AGBL4: variants seen among roughly 807,000 people sequenced by gnomAD.
The protein encoded by AGBL4 is cytosolic carboxypeptidase 6.
AGBL4 carries 58 observed loss-of-function variants against 66.4 expected under a neutral mutation model. The observed-to-expected ratio is 0.87, with a 90% CI of 0.71 to 1.09. The LOEUF (loss-of-function observed/expected upper bound fraction) is 1.09, where lower values mean the gene tolerates loss of function less well. Ranked by LOEUF, AGBL4 falls within the 50% of genes least tolerant of loss-of-function variation. AGBL4 has a pLI of 0.00. For synonymous variants in AGBL4, 234 were observed against 222.9 expected (o/e 1.05, Z -0.44); for missense variants, 579 against 631.0 (o/e 0.92, Z 0.88).
At chr1:49,475,965 C>A (rs1271875721) in intron 3 of AGBL4, among the ~76,000 whole-genome samples, 1 of 151,950 alleles carries the variant, frequency 6.6e-6, no homozygotes, top group East Asian at 1.9e-4. Context: ...ATTTCTTCCA[C>A]TAGCTTTGGG....
intron 5 of AGBL4, among the ~76,000 whole-genome samples, chr1:48,948,895 C>T (rs866368388): frequency 1.3e-5 from 2 of 151,950 alleles, no homozygotes; most frequent in Non-Finnish European, 1.5e-5. Flanking sequence ...GAAAGGATGT[C>T]TGTTTGACGT....
rs573423245 is a variant in AGBL4 at position 49,168,165 on chromosome 1, A to T, written c.377+77605T>A. Among the ~76,000 whole-genome samples the T allele has an allele frequency of 4.6e-5, 7 of 151,584 alleles. No homozygotes were observed. The East Asian group carries it at 5.8e-4, about 13-fold the overall frequency. On this transcript the variant is annotated intron_variant, in intron 4 of 13. Coordinates refer to ENST00000371839, the MANE Select transcript of AGBL4 (RefSeq NM_032785.4). ...CCTAAGAACACTAAACCATGCCTAT[A>T]TTTTTTTTTAAATAAATTCTAGATT...
chr1:50,020,982 A>C (rs1449158129), intron 1 of AGBL4, among the ~76,000 whole-genome samples: 1 of 152,226 alleles, frequency 6.6e-6, no homozygotes, highest in Admixed American at 6.5e-5. Flanking sequence ...AAAGACAATA[A>C]GGGTCAATAA....
chr1:49,273,391 C>T (rs547881956), intron 3 of AGBL4, among the ~76,000 whole-genome samples: 28 of 150,852 alleles, frequency 1.9e-4, no homozygotes, highest in African/African-American at 5.8e-4. Context: ...AGAATATAAA[C>T]GTGGTTTTTG....
intron 3 of AGBL4, among the ~76,000 whole-genome samples, chr1:49,382,682 T>A (rs1644647221): frequency 1.3e-5 from 2 of 152,092 alleles, no homozygotes; most frequent in African/African-American, 4.8e-5. Flanking sequence ...CAAGAAAAAG[T>A]AAAATAAAAG....
intron 3 of AGBL4, among the ~76,000 whole-genome samples, chr1:49,400,431 T>G (rs940816906): frequency 2.0e-5 from 3 of 152,174 alleles, no homozygotes; most frequent in African/African-American, 7.2e-5. Context: ...GTCATTGGTA[T>G]TTTGATAGGG....
At position 48,663,184 on chromosome 1, in the gene AGBL4, G is replaced by A. The variant is rs746467838; in HGVS notation, c.692C>T (p.Pro231Leu). ...KVVFITGRVH[P>L]GETPSSFVCQ... ...CACAAATGATGAGGGTGTTTCCCCT[G>A]GGTGGACTCGTCCTGTGATGAATAC... Residue 231 changes from proline (P) to leucine (L), a missense_variant, in exon 7 of 14, where the codon CCA becomes CTA. Physicochemically the swap from Pro to Leu is moderately conservative, Grantham distance 98 (BLOSUM62 -3). Transcript: ENST00000371839. The A allele has an allele frequency of 6.2e-7, 1 of 1,613,912 alleles. No individual in the cohort carries two copies. The highest frequency in any genetic ancestry group is 8.5e-7 in the Non-Finnish European group (1 of 1,179,870).
chr1:49,813,868 T>C (rs1471502350), intron 2 of AGBL4, among the ~76,000 whole-genome samples: 1 of 152,122 alleles, frequency 6.6e-6, no homozygotes, highest in Non-Finnish European at 1.5e-5. Flanking sequence ...GTAGCTCCCA[T>C]AATCCTTACA....
intron 5 of AGBL4, among the ~76,000 whole-genome samples, chr1:48,868,891 C>T (rs1488096993): frequency 2.0e-5 from 3 of 152,156 alleles, no homozygotes; most frequent in African/African-American, 7.2e-5. Context: ...CTGTTTCTAG[C>T]TACTTCAGTC....
intron 8 of AGBL4, among the ~76,000 whole-genome samples, chr1:48,651,665 G>A (rs1400370074): frequency 6.6e-6 from 1 of 152,128 alleles, no homozygotes; most frequent in Non-Finnish European, 1.5e-5. Flanking sequence ...TTTAATGAAG[G>A]CTTCAGGCAT....
At chr1:48,663,058 T>C in intron 7 of AGBL4, 94 bp downstream of exon 7, 1 of 1,145,286 alleles carries the variant, frequency 8.7e-7, no homozygotes, top group Non-Finnish European at 1.3e-6. Context: ...CCATTTAAGA[T>C]AATGGCTCTG....
At chr1:49,274,673 A>G (rs906325276) in intron 3 of AGBL4, among the ~76,000 whole-genome samples, 1 of 152,146 alleles carries the variant, frequency 6.6e-6, no homozygotes, top group African/African-American at 2.4e-5. Flanking sequence ...GGACCTTGAC[A>G]AGTACTCTTA....
intron 3 of AGBL4, among the ~76,000 whole-genome samples, chr1:49,315,003 G>T (rs1299877398): frequency 2.0e-5 from 3 of 151,706 alleles, no homozygotes; most frequent in Non-Finnish European, 2.9e-5. Context: ...CCTGACTTCA[G>T]ACTACACTAC....
intron 5 of AGBL4, among the ~76,000 whole-genome samples, chr1:49,017,827 A>T (rs978025043): frequency 3.3e-5 from 5 of 152,146 alleles, no homozygotes; most frequent in African/African-American, 1.2e-4. Context: ...TAGAGCACTA[A>T]CCCTGGGGAA....
intron 5 of AGBL4, among the ~76,000 whole-genome samples, chr1:48,927,598 C>T (rs534857625): frequency 6.6e-6 from 1 of 152,290 alleles, no homozygotes; most frequent in Admixed American, 6.5e-5. Flanking sequence ...ATATGGAAGA[C>T]AGGCACATTG....
chr1:49,249,093 C>T (rs1020060121), intron 3 of AGBL4, among the ~76,000 whole-genome samples: 7 of 152,164 alleles, frequency 4.6e-5, no homozygotes, highest in African/African-American at 1.2e-4. Flanking sequence ...GTAAAGGTAT[C>T]GTGAACAGCC....
downstream of AGBL4, among the ~76,000 whole-genome samples, chr1:48,529,875 G>A (rs1048925364): frequency 2.0e-5 from 3 of 152,094 alleles, no homozygotes; most frequent in African/African-American, 7.3e-5. Flanking sequence ...CTGCTCTCTG[G>A]AGGACTCTGG....
intron 1 of AGBL4, among the ~76,000 whole-genome samples, chr1:49,901,292 C>G (rs1383408698): frequency 1.3e-5 from 2 of 152,082 alleles, no homozygotes; most frequent in African/African-American, 4.8e-5. Flanking sequence ...TCTAGAAAAC[C>G]CAACAGCTTA....
intron 1 of AGBL4, among the ~76,000 whole-genome samples, chr1:49,945,093 T>C (rs1221113679): frequency 1.3e-5 from 2 of 152,024 alleles, no homozygotes; most frequent in African/African-American, 4.8e-5. Context: ...CTAAGAATAA[T>C]TGGTGTTCCT....
Sources: gnomAD v4.1 joint callset for allele counts (sites outside exome capture counted in the v4.1 genomes callset) on GRCh38, gnomAD v4.1.1 for gene constraint, MANE v1.5 for transcripts, NCBI Gene and HGNC (gene_info 2026-07-23, HGNC 2026-07-21) for gene names.